The following STRN4 variants were observed in gnomAD, a reference collection of about 807,000 sequenced individuals.
STRN4 encodes the protein striatin-4.
Under a neutral mutation model 77.9 loss-of-function variants are expected in STRN4, and 27 were observed. That is an observed-to-expected ratio of 0.35 (90% CI 0.26 to 0.48). STRN4 has a LOEUF of 0.48. STRN4 is among the 20% of genes least tolerant of loss of function. The pLI is 0.99. For synonymous variants in STRN4, 466 were observed against 443.1 expected, an observed-to-expected ratio of 1.05 and a Z score of -0.65; for missense variants, 798 against 1,049.7, an observed-to-expected ratio of 0.76 and a Z score of 3.31.
In STRN4 at chr19:46,730,882, G is replaced by A. The variant is rs761519312; in HGVS notation, c.738-9C>T. Reference sequence around the variant, plus strand: ...CTTTGCCTGCCGCGTTCCTGCCAAAGACAGCAGAGCAGAGGAGGCATGAGT... The same window carrying A: ...CTTTGCCTGCCGCGTTCCTGCCAAAAACAGCAGAGCAGAGGAGGCATGAGT... On this transcript the variant is annotated splice_polypyrimidine_tract_variant and intron_variant, in intron 5 of 17. Coordinates refer to ENST00000263280, the MANE Select transcript of STRN4 (RefSeq NM_013403.3). 11 of 1,609,406 alleles carry A rather than the reference G, an allele frequency of 6.8e-6. No individual in the cohort carries two copies. The East Asian group carries it at 2.2e-4, about 33-fold the overall frequency.
intron 1 of STRN4, 98 bp downstream of exon 1, chr19:46,746,051 G>A: frequency 2.2e-6 from 2 of 905,378 alleles, no homozygotes; most frequent in East Asian, 5.0e-5. Flanking sequence ...CGGCCGTCCC[G>A]GCGGCCATTG....
intron 9 of STRN4, chr19:46,726,169 C>G (rs570078103): frequency 6.4e-6 from 1 of 157,164 alleles, no homozygotes; most frequent in South Asian, 1.9e-4. Context: ...GTGGTACAGG[C>G]TGCAGGAGGC....
intron 8 of STRN4, 60 bp from the exon 9 acceptor site, chr19:46,727,606 GGA>G: frequency 1.4e-6 from 2 of 1,398,812 alleles, no homozygotes; most frequent in Non-Finnish European, 2.0e-6. Flanking sequence ...AGAGGGCCAG[GGA>G]GAGAGAGAAT....
At chr19:46,729,936 C>G (rs1165438173) in intron 6 of STRN4, among the ~76,000 whole-genome samples, 1 of 152,122 alleles carries the variant, frequency 6.6e-6, no homozygotes, top group African/African-American at 2.4e-5. Flanking sequence ...GGGCAGTCCC[C>G]TGGGTTCCCA....
intron 5 of STRN4, chr19:46,731,655 CA>C (rs1466649075): frequency 2.0e-5 from 3 of 152,470 alleles, no homozygotes; most frequent in African/African-American, 7.2e-5. Context: ...ACTCCATCCT[CA>C]GAACACTCGC....
intron 1 of STRN4, among the ~76,000 whole-genome samples, chr19:46,739,686 G>A (rs564712886): frequency 2.6e-4 from 40 of 152,250 alleles, no homozygotes; most frequent in Admixed American, 2.2e-3. Flanking sequence ...GCACCCCACC[G>A]TTCCAGCCCA....
rs139472592 is a variant in STRN4 at position 46,728,860 on chromosome 19, C to T, written c.880-83G>A. On this transcript the variant is annotated intron_variant, in intron 6 of 17. Coordinates refer to ENST00000263280, the MANE Select transcript of STRN4 (RefSeq NM_013403.3). Reference sequence around the variant, plus strand: ...CCTCCGTGCCTAGGAACAGGTAAGCCGGGGCTCTGGGCCCGTTTCTGTTCA... The same window carrying T: ...CCTCCGTGCCTAGGAACAGGTAAGCTGGGGCTCTGGGCCCGTTTCTGTTCA... 4.8e-3 allele frequency: 7,471 copies of T among 1,557,424 alleles called. 40 individuals carry two copies. Among genetic ancestry groups the T allele is most frequent in the South Asian group, 8.3e-3 (697 of 84,432 alleles).
Position 46,746,254 on chromosome 19 carries a change from G to A in STRN4, c.177C>T (p.Gly59=), listed in dbSNP as rs1228050737. ...GGGGSPGPTA[G]PEPLSLPGIL... ...TCCCCGGCAGGCTCAGGGGCTCCGG[G>A]CCCGCCGTGGGCCCGGGGCTGCCTC... Residue 59 remains glycine (G), a synonymous_variant, in exon 1 of 18, where the codon GGC becomes GGT. Coordinates refer to ENST00000263280, the MANE Select transcript of STRN4 (RefSeq NM_013403.3). 7.4e-6 allele frequency: 11 copies of A among 1,492,602 alleles called. No individual in the cohort carries two copies. The highest frequency in any genetic ancestry group is 4.4e-5 in the African/African-American group (3 of 68,490). The allele number at this position is 1,492,602 out of a possible 1,614,324, so 92.5% of individuals were successfully genotyped here.
chr19:46,730,233 G>C lies in STRN4; in HGVS notation c.879+499C>G, dbSNP rs147773320. On this transcript the variant is annotated intron_variant, in intron 6 of 17. Coordinates refer to ENST00000263280, the MANE Select transcript of STRN4 (RefSeq NM_013403.3). The stretch of plus-strand genomic sequence containing the variant: ...TCTACTTGGGGTGCGACTCTGTGCT[G>C]AGCCACACTGGGGATACTGGAGATG... 4.9e-3 allele frequency among the ~76,000 whole-genome samples: 739 copies of C among 152,322 alleles called. 6 individuals are homozygous for C. Among genetic ancestry groups the C allele is most frequent in the African/African-American group, 0.017 (691 of 41,580 alleles).
At chr19:46,742,424 T>C (rs2054490878) in intron 1 of STRN4, among the ~76,000 whole-genome samples, 1 of 152,192 alleles carries the variant, frequency 6.6e-6, no homozygotes, top group Non-Finnish European at 1.5e-5. Flanking sequence ...TGACACTGCC[T>C]AGCTCTTAAG....
At chr19:46,725,096 C>A (rs919549781) in intron 11 of STRN4, among the ~76,000 whole-genome samples, 168 bp from the exon 12 acceptor site, 7 of 152,172 alleles carry the variant, frequency 4.6e-5, no homozygotes, top group African/African-American at 1.2e-4. Flanking sequence ...TGCCCTCCCC[C>A]ACCCCACCTC....
In STRN4 at chr19:46,738,749, C is replaced by T; in HGVS notation, c.386+36G>A. ...CTCCTGACACTGTGCTTGAGACGGA[C>T]CCAGAAGGCAGGCCCAGGGCAGGAT... On this transcript the variant is annotated intron_variant, in intron 2 of 17. Coordinates refer to ENST00000263280, the MANE Select transcript of STRN4 (RefSeq NM_013403.3). The surrounding 1 kb of genome is among the most constrained non-coding windows in gnomAD (Gnocchi z 4.5). 6.2e-7 allele frequency: 1 copy of T among 1,608,382 alleles called. No individual in the cohort carries two copies. The highest frequency in any genetic ancestry group is 8.5e-7 in the Non-Finnish European group (1 of 1,175,256).
chr19:46,738,155 G>A lies in STRN4; in HGVS notation c.460+9C>T. On this transcript the variant is annotated intron_variant, in intron 3 of 17. Coordinates refer to ENST00000263280, the MANE Select transcript of STRN4 (RefSeq NM_013403.3). The surrounding 1 kb of genome is among the most constrained non-coding windows in gnomAD (Gnocchi z 4.5). ...GGTGCCGACAGTGCGAGCATCAGAG[G>A]GTGGGTACCTTGTTCTGACACATCT... 1 of 1,613,926 alleles carries A rather than the reference G, an allele frequency of 6.2e-7. No homozygotes were observed. Among genetic ancestry groups the A allele is most frequent in the East Asian group, 2.2e-5 (1 of 44,888 alleles).
chr19:46,723,374 G>T lies in STRN4; in HGVS notation c.1595-90C>A, dbSNP rs940517388. ...GAGCCCCAGCTCTGCCAAGCCCCAG[G>T]CAGCTGGGCTCCAATCACCCACGCA... On this transcript the variant is annotated intron_variant, in intron 12 of 17. Transcript: ENST00000263280. The surrounding 1 kb of genome is among the most constrained non-coding windows in gnomAD (Gnocchi z 5.5). 1.9e-5 allele frequency: 27 copies of T among 1,438,648 alleles called. No individual in the cohort carries two copies. In the African/African-American group the frequency reaches 3.6e-4, roughly 19 times the overall value. 89.1% of individuals were successfully genotyped at this position (1,438,648 alleles called of 1,614,324 possible).
rs964715640 is a variant in STRN4 at position 46,735,999 on chromosome 19, C to T, written c.539+824G>A. Among the ~76,000 whole-genome samples the T allele has an allele frequency of 2.5e-4, 37 of 150,740 alleles. 1 individual carries two copies. The highest frequency in any genetic ancestry group is 2.4e-3 in the Admixed American group (36 of 15,096). On this transcript the variant is annotated intron_variant, in intron 4 of 17. Coordinates refer to ENST00000263280, the MANE Select transcript of STRN4 (RefSeq NM_013403.3). ...TAATAATGATAATAATTTGGCCAGG[C>T]GCAGTGGCTCATGCCTGTAATCCCA...
At chr19:46,721,580 C>T (rs536489483) in intron 16 of STRN4, 1 of 225,412 alleles carries the variant, frequency 4.4e-6, no homozygotes, top group African/African-American at 2.3e-5. Flanking sequence ...TCCATCCCTT[C>T]TAAGCACAGC....
rs1260199428 is a variant in STRN4 at position 46,723,466 on chromosome 19, GC to G, written c.1595-183del. 1.3e-5 allele frequency among the ~76,000 whole-genome samples: 2 copies of G among 152,186 alleles called. No homozygotes were observed. Among genetic ancestry groups the G allele is most frequent in the Non-Finnish European group, 2.9e-5 (2 of 68,018 alleles). On this transcript the variant is annotated intron_variant, in intron 12 of 17. Coordinates refer to ENST00000263280, the MANE Select transcript of STRN4 (RefSeq NM_013403.3). This position sits in a 1 kb window ranked among gnomAD's most constrained non-coding sequence, Gnocchi z 5.5. ...GGACAGCCCGGCAGCTGCTCACACT[GC>G]CCACTAGCTCTCCAAGGAAGGTTCT... is the stretch of plus-strand genomic sequence containing the variant.
chr19:46,745,049 C>G (rs887055583), intron 1 of STRN4, among the ~76,000 whole-genome samples: 1 of 151,632 alleles, frequency 6.6e-6, no homozygotes, highest in Non-Finnish European at 1.5e-5. Flanking sequence ...CAGTCTACCC[C>G]CGTTCCGAGA....
rs549476617 is a variant in STRN4, at chr19:46,741,505, G to A, written c.283-2617C>T. On this transcript the variant is annotated intron_variant, in intron 1 of 17. Coordinates refer to ENST00000263280, the MANE Select transcript of STRN4 (RefSeq NM_013403.3). This position sits in a 1 kb window ranked among gnomAD's most constrained non-coding sequence, Gnocchi z 4.9. ...CCCACCAAAAACGGGAAGCGTCAGT[G>A]GCCAGTCTCTCCCTCGCTGCAAACG... Among the ~76,000 whole-genome samples the A allele has an allele frequency of 2.6e-4, 39 of 152,290 alleles. No individual in the cohort carries two copies. The highest frequency in any genetic ancestry group is 4.1e-4 in the Non-Finnish European group (28 of 68,012).
Sources: allele counts gnomAD v4.1 joint callset (sites outside exome capture counted in the v4.1 genomes callset), GRCh38; gene constraint gnomAD v4.1.1; non-coding constraint Gnocchi (gnomAD v3.1); transcripts MANE v1.5; gene names NCBI Gene and HGNC (gene_info 2026-07-23, HGNC 2026-07-21).